CCDC171: variants seen among roughly 807,000 people sequenced by gnomAD.
CCDC171 encodes coiled-coil domain containing 171, also known as coiled-coil domain-containing protein 171.
A neutral mutation model predicts 168.2 loss-of-function variants in CCDC171; 177 were observed. The observed-to-expected ratio is 1.05, with a 90% CI of 0.93 to 1.19. The LOEUF (loss-of-function observed/expected upper bound fraction) is 1.19. Ranked by LOEUF, CCDC171 falls within the 50% of genes most tolerant of loss-of-function variation. The pLI is 0.00. For synonymous variants in CCDC171, 687 were observed against 540.8 expected, an observed-to-expected ratio of 1.27 and a Z score of -3.75; for missense variants, 1,991 against 1,539.0, an observed-to-expected ratio of 1.29 and a Z score of -4.91.
At chr9:15,627,326 G>A (rs2045233533) in intron 7 of CCDC171, among the ~76,000 whole-genome samples, 1 of 151,562 alleles carries the variant, frequency 6.6e-6, no homozygotes. Flanking sequence ...TTTCAGTTCT[G>A]CTCTGTTCTT....
In CCDC171 at chr9:15,623,306, GA is replaced by G. The variant is rs1390099835; in HGVS notation, c.720del (p.Lys240AsnfsTer2). The G allele has an allele frequency of 2.5e-6, 4 of 1,600,056 alleles. No homozygotes were observed. Among genetic ancestry groups the G allele is most frequent in the Non-Finnish European group, 3.4e-6 (4 of 1,172,276 alleles). On this transcript the variant is annotated frameshift_variant, in exon 7 of 26. Transcript: ENST00000380701. LOFTEE classifies it high-confidence loss of function. Reference sequence around the variant, plus strand: ...TGTGCAAAATATGCATAAGAAAGTAGAAAAATTAGAAACAGAACATATGGAC... The same window carrying G: ...TGTGCAAAATATGCATAAGAAAGTAGAAAATTAGAAACAGAACATATGGAC... ...TAVQNMHKKV[E>X]KLETEHMDCS...
chr9:15,897,746 T>C (rs1046036095), intron 24 of CCDC171, among the ~76,000 whole-genome samples: 2 of 152,190 alleles, frequency 1.3e-5, no homozygotes, highest in Non-Finnish European at 2.9e-5. Context: ...TATATGAATG[T>C]TGTAATAAGT....
chr9:15,677,925 T>TAAA lies in CCDC171; in HGVS notation c.1077-831_1077-830insAAA, dbSNP rs1554754418. ...ATATATATATATATATATATATATA[T>TAAA]AAGAGATGTGGTCTCATTCTGTTAC... On this transcript the variant is annotated intron_variant, in intron 9 of 25. Transcript: ENST00000380701. 7.9e-4 allele frequency among the ~76,000 whole-genome samples: 33 copies of TAAA among 41,868 alleles called. 2 individuals are homozygous for TAAA. The highest frequency in any genetic ancestry group is 3.3e-3 in the African/African-American group (33 of 9,958). 27.5% of individuals were successfully genotyped at this position (41,868 alleles called of 152,430 possible).
At chr9:15,938,290 GA>G (rs1827325956) in intron 25 of CCDC171, among the ~76,000 whole-genome samples, 1 of 151,738 alleles carries the variant, frequency 6.6e-6, no homozygotes, top group African/African-American at 2.4e-5. Flanking sequence ...TTTTCTTTTT[GA>G]AAATGAATTC....
chr9:15,611,200 C>G (rs924051584), intron 6 of CCDC171, among the ~76,000 whole-genome samples: 10 of 152,164 alleles, frequency 6.6e-5, no homozygotes, highest in Admixed American at 3.9e-4. Flanking sequence ...TTTCCTGAGG[C>G]CTCCCCAGAA....
downstream of CCDC171, among the ~76,000 whole-genome samples, chr9:16,062,862 C>G (rs1833950543): frequency 6.6e-6 from 1 of 152,196 alleles, no homozygotes. Context: ...CCAGGTGACA[C>G]AAATTTTGCT....
intron 3 of CCDC171, among the ~76,000 whole-genome samples, chr9:16,012,365 C>G (rs1832892250): frequency 6.6e-6 from 1 of 152,176 alleles, no homozygotes; most frequent in African/African-American, 2.4e-5. Context: ...ACACATTGAA[C>G]AAATACACTC....
At chr9:15,703,454 C>G (rs779988835) in intron 11 of CCDC171, among the ~76,000 whole-genome samples, 1 of 152,236 alleles carries the variant, frequency 6.6e-6, no homozygotes, top group African/African-American at 2.4e-5. Flanking sequence ...ATTCTTCTCT[C>G]TACCTCCATG....
chr9:16,091,847 C>G, the CCDC171 span, among the ~76,000 whole-genome samples: 3 of 152,194 alleles, frequency 2.0e-5, no homozygotes, highest in Non-Finnish European at 4.4e-5. Context: ...GAACATACTT[C>G]TATGCCTTTT....
intron 18 of CCDC171, among the ~76,000 whole-genome samples, chr9:15,751,031 G>T (rs774504914): frequency 6.6e-6 from 1 of 152,128 alleles, no homozygotes; most frequent in Non-Finnish European, 1.5e-5. Flanking sequence ...AAACCCCATC[G>T]TCTCAGCCCA....
intron 3 of CCDC171, among the ~76,000 whole-genome samples, chr9:16,000,064 C>G (rs1832493701): frequency 6.6e-6 from 1 of 152,176 alleles, no homozygotes; most frequent in African/African-American, 2.4e-5. Context: ...ACCTGCAAGA[C>G]TTTAAAGAAG....
chr9:15,599,159 A>C (rs1351329994), intron 6 of CCDC171, among the ~76,000 whole-genome samples: 1 of 152,106 alleles, frequency 6.6e-6, no homozygotes, highest in Non-Finnish European at 1.5e-5. Context: ...TTTAAGATTA[A>C]CGTTGTTATG....
chr9:15,659,993 T>C (rs1264872563), intron 8 of CCDC171, among the ~76,000 whole-genome samples: 1 of 152,206 alleles, frequency 6.6e-6, no homozygotes, highest in African/African-American at 2.4e-5. Flanking sequence ...AATTACTTAA[T>C]TTAATTTACA....
At chr9:15,708,097 C>G (rs540970077) in intron 11 of CCDC171, among the ~76,000 whole-genome samples, 84 of 152,340 alleles carry the variant, frequency 5.5e-4, no homozygotes, top group African/African-American at 1.9e-3. Flanking sequence ...ATCTGCCCGT[C>G]TTGGCCTCCC....
In CCDC171 at chr9:15,623,277, C is replaced by G. The variant is rs751789315; in HGVS notation, c.686C>G (p.Thr229Ser). The G allele has an allele frequency of 1.3e-5, 21 of 1,578,978 alleles. No homozygotes were observed. In the South Asian group the frequency reaches 2.1e-4, roughly 16 times the overall value. The change falls in exon 7 of 26, where the codon ACT (threonine) becomes AGT (serine). Residue 229 changes from threonine to serine, a missense_variant. Coordinates refer to ENST00000380701, the MANE Select transcript of CCDC171 (RefSeq NM_173550.4). ...ELQFIVQEQD[T>S]AVQNMHKKVE... is the part of the protein sequence containing the mutation. ...TGAATTATTTTCCAGGAGCAAGATACTGCTGTGCAAAATATGCATAAGAAA... is the reference window on the plus strand; with the variant it reads ...TGAATTATTTTCCAGGAGCAAGATAGTGCTGTGCAAAATATGCATAAGAAA...
Position 15,971,968 on chromosome 9 carries a change from G to C in CCDC171, c.*132G>C. 2 of 704,520 alleles carry C rather than the reference G, an allele frequency of 2.8e-6. No individual in the cohort carries two copies. The highest frequency in any genetic ancestry group is 4.8e-6 in the Non-Finnish European group (2 of 418,246). 43.6% of individuals were successfully genotyped at this position (704,520 alleles called of 1,614,324 possible). On this transcript the variant is annotated 3_prime_UTR_variant, in exon 26 of 26. Transcript: ENST00000380701. The stretch of plus-strand genomic sequence containing the variant: ...ATTTAAAAAATTTGTGCGCTATCTT[G>C]ATGTATTCTGGTAGCTCTGTCTCCT...
chr9:15,974,450 G>C (rs897467470), downstream of CCDC171, among the ~76,000 whole-genome samples: 1 of 152,124 alleles, frequency 6.6e-6, no homozygotes, highest in Non-Finnish European at 1.5e-5. Context: ...TCAGGATAAT[G>C]ACTTCAAATA....
intron 3 of CCDC171, among the ~76,000 whole-genome samples, chr9:16,010,687 C>T (rs752633204): frequency 7.3e-5 from 11 of 151,714 alleles, no homozygotes; most frequent in Non-Finnish European, 1.2e-4. Flanking sequence ...GATGAGCACA[C>T]CTAGGTTCAA....
rs113414417 is a variant in CCDC171, at chr9:16,049,013, T to C, written n.89+6127T>C. ...TGAAATCCCAAAAGATCAAAATCCC[T>C]AAAAATTACAATCCCTAAAGTCTAA... is the stretch of plus-strand genomic sequence containing the variant. On this transcript the variant is annotated intron_variant and non_coding_transcript_variant, in intron 1 of 1. Coordinates refer to the CCDC171 transcript ENST00000478913. Among the ~76,000 whole-genome samples the C allele has an allele frequency of 7.2e-3, 1,076 of 150,380 alleles. 8 individuals are homozygous for C. Among genetic ancestry groups the C allele is most frequent in the Non-Finnish European group, 9.9e-3 (672 of 67,698 alleles).
Sources: allele counts gnomAD v4.1 joint callset (sites outside exome capture counted in the v4.1 genomes callset), GRCh38; gene constraint gnomAD v4.1.1; transcripts MANE v1.5; gene names NCBI Gene and HGNC (gene_info 2026-07-23, HGNC 2026-07-21).